The following MEIOSIN variants were observed in gnomAD, a reference collection of about 807,000 sequenced individuals.
MEIOSIN encodes meiosis initiator.
A neutral mutation model predicts 23.4 loss-of-function variants in MEIOSIN; 18 were observed. The observed-to-expected ratio is 0.77, with a 90% CI of 0.53 to 1.14. MEIOSIN has a LOEUF of 1.14. MEIOSIN is among the 50% of genes most tolerant of loss of function. The pLI, the probability that MEIOSIN is intolerant of heterozygous loss-of-function variation, is 0.00. For synonymous variants in MEIOSIN, 187 were observed against 100.6 expected (o/e 1.86, Z -5.14); for missense variants, 428 against 242.9 (o/e 1.76, Z -5.07).
intron 3 of MEIOSIN, among the ~76,000 whole-genome samples, chr19:45,741,791 A>G (rs988341027): frequency 1.9e-4 from 29 of 152,168 alleles, no homozygotes; most frequent in Non-Finnish European, 3.7e-4. Flanking sequence ...AAGAAATAAG[A>G]TTTCACAGCC....
chr19:45,756,167 C>T lies in MEIOSIN; in HGVS notation c.911+89C>T, dbSNP rs926545090. The T allele has an allele frequency of 9.1e-6, 6 of 662,678 alleles. 1 individual carries two copies. The highest frequency in any genetic ancestry group is 6.4e-5 in the South Asian group (4 of 62,084). The allele number at this position is 662,678 out of a possible 1,614,324, so 41.0% of individuals were successfully genotyped here. The stretch of plus-strand genomic sequence containing the variant: ...GGTAGTGGGAAGACAGGCCAAGTCA[C>T]GTCCTCTGCGGGTGCCCCTTGAGCA... On this transcript the variant is annotated intron_variant, in intron 8 of 14. Transcript: ENST00000457052.
At chr19:45,758,001 C>T (rs1386800624) in intron 9 of MEIOSIN, among the ~76,000 whole-genome samples, 2 of 116,318 alleles carry the variant, frequency 1.7e-5, no homozygotes, top group African/African-American at 6.1e-5. Flanking sequence ...CCTCAGAATC[C>T]ATTTTTTTTT....
At chr19:45,741,828 CA>C (rs997504743) in intron 3 of MEIOSIN, among the ~76,000 whole-genome samples, 49 of 150,480 alleles carry the variant, frequency 3.3e-4, no homozygotes, top group African/African-American at 7.8e-4. Context: ...ACCGCGTCTC[CA>C]AAAAAAAATT....
In MEIOSIN at chr19:45,734,350, C is replaced by T. The variant is rs935264274; in HGVS notation, c.-1+684C>T. Among the ~76,000 whole-genome samples, 11 of 151,954 alleles carry T rather than the reference C, an allele frequency of 7.2e-5. No individual in the cohort carries two copies. In the East Asian group the frequency reaches 2.1e-3, roughly 29 times the overall value. On this transcript the variant is annotated intron_variant, in intron 1 of 14. Transcript: ENST00000457052. ...AGAAGTGAGATTTGTTTCATAGGGGCCTGGATTTCTTATCTTAGGATATAG... is the reference window on the plus strand; with the variant it reads ...AGAAGTGAGATTTGTTTCATAGGGGTCTGGATTTCTTATCTTAGGATATAG...
At chr19:45,755,096 G>A (rs1321825356) in intron 7 of MEIOSIN, among the ~76,000 whole-genome samples, 4 of 152,086 alleles carry the variant, frequency 2.6e-5, no homozygotes, top group South Asian at 2.1e-4. Flanking sequence ...GTCGGAGCTC[G>A]AGGCTTTGAG....
At chr19:45,759,695 G>A (rs1230850360) in intron 11 of MEIOSIN, among the ~76,000 whole-genome samples, 1 of 152,150 alleles carries the variant, frequency 6.6e-6, no homozygotes, top group Non-Finnish European at 1.5e-5. Context: ...CCGGCTCTGT[G>A]CTGGGCACGT....
At chr19:45,739,806 C>A in intron 3 of MEIOSIN, 76 bp downstream of exon 3, 1 of 696,814 alleles carries the variant, frequency 1.4e-6, no homozygotes, top group South Asian at 1.5e-5. Context: ...CCTCTTACCC[C>A]TAAAATCATT....
chr19:45,756,084 G>A lies in MEIOSIN; in HGVS notation c.911+6G>A. On this transcript the variant is annotated splice_donor_region_variant and intron_variant, in intron 8 of 14. Coordinates refer to ENST00000457052, the MANE Select transcript of MEIOSIN (RefSeq NM_001310124.2). ...AAGACCCAGCCCCATCCCAGGTAAG[G>A]GCGTCCCCAGGGCACTGAGTGAGTG... 1 of 702,696 alleles carries A rather than the reference G, an allele frequency of 1.4e-6. No individual in the cohort carries two copies. Among genetic ancestry groups the A allele is most frequent in the East Asian group, 2.7e-5 (1 of 37,288 alleles). The allele number at this position is 702,696 out of a possible 1,614,324, so 43.5% of individuals were successfully genotyped here. A position where few individuals can be genotyped will look rare whatever the true frequency, so the allele number is the denominator to read the frequency against.
chr19:45,759,554 T>G, intron 11 of MEIOSIN, 64 bp downstream of exon 11: 2 of 696,208 alleles, frequency 2.9e-6, no homozygotes, highest in Admixed American at 4.0e-5. Context: ...ACGTCACTCA[T>G]GGCTTCATTC....
chr19:45,753,316 G>A (rs751842210), intron 5 of MEIOSIN, among the ~76,000 whole-genome samples: 18 of 152,152 alleles, frequency 1.2e-4, no homozygotes, highest in Non-Finnish European at 2.1e-4. Flanking sequence ...GGGTCGGCTA[G>A]GAGACCCTCA....
At position 45,735,072 on chromosome 19, in the gene MEIOSIN, T is replaced by G. The variant is rs570817039; in HGVS notation, c.1-305T>G. 1.4e-4 allele frequency among the ~76,000 whole-genome samples: 22 copies of G among 151,820 alleles called. No individual in the cohort carries two copies. The South Asian group carries it at 4.6e-3, about 32-fold the overall frequency. The stretch of plus-strand genomic sequence containing the variant: ...CCACGCCCGGCTAATTTTTGTATTT[T>G]TAGTAGAGATGGGGTTTCACCATGT... On this transcript the variant is annotated intron_variant, in intron 1 of 14. Coordinates refer to ENST00000457052, the MANE Select transcript of MEIOSIN (RefSeq NM_001310124.2).
chr19:45,746,884 A>G (rs545337285), intron 4 of MEIOSIN, among the ~76,000 whole-genome samples: 4 of 152,188 alleles, frequency 2.6e-5, no homozygotes, highest in East Asian at 3.9e-4. Flanking sequence ...TCTTTCTGCC[A>G]TACAAGGCAA....
chr19:45,757,899 C>G (rs1285224956), intron 9 of MEIOSIN, among the ~76,000 whole-genome samples: 1 of 152,116 alleles, frequency 6.6e-6, no homozygotes, highest in Non-Finnish European at 1.5e-5. Flanking sequence ...GCAATCACAG[C>G]TCACTGAGGC....
chr19:45,735,051 G>A (rs1188514785), intron 1 of MEIOSIN, among the ~76,000 whole-genome samples: 4 of 151,328 alleles, frequency 2.6e-5, no homozygotes, highest in Admixed American at 6.6e-5. Context: ...GCACCACCAC[G>A]CCCGGCTAAT....
intron 4 of MEIOSIN, among the ~76,000 whole-genome samples, chr19:45,746,736 G>T (rs958113171): frequency 1.3e-5 from 2 of 151,638 alleles, no homozygotes; most frequent in Non-Finnish European, 2.9e-5. Context: ...CGGGAGATTT[G>T]CTTGAACCTG....
At chr19:45,748,457 C>T (rs1211701254) in intron 4 of MEIOSIN, among the ~76,000 whole-genome samples, 1 of 152,144 alleles carries the variant, frequency 6.6e-6, no homozygotes. Context: ...TTCTGTCACT[C>T]AAGGTTCAAT....
rs1180041354 is a variant in MEIOSIN at position 45,761,878 on chromosome 19, C to CG, written c.1434+13dup. On this transcript the variant is annotated intron_variant, in intron 12 of 14. Transcript: ENST00000457052. The stretch of plus-strand genomic sequence containing the variant: ...TGGAAGCAGCGAGAGGTGAGAGACA[C>CG]GGCCGCATGCCAGGGCCAGCAGGGC... 1.0e-4 allele frequency: 64 copies of CG among 638,640 alleles called. No homozygotes were observed. The highest frequency in any genetic ancestry group is 1.7e-4 in the Non-Finnish European group (58 of 350,032). The allele number at this position is 638,640 out of a possible 1,614,324, so 39.6% of individuals were successfully genotyped here.
chr19:45,738,812 G>A (rs1406721201), intron 2 of MEIOSIN, among the ~76,000 whole-genome samples: 1 of 152,154 alleles, frequency 6.6e-6, no homozygotes, highest in Non-Finnish European at 1.5e-5. Flanking sequence ...CTCAGAAGAA[G>A]CACCATGAAG....
Position 45,758,870 on chromosome 19 carries a change from C to T in MEIOSIN, c.1013-8C>T, listed in dbSNP as rs1226343245. 5 of 702,934 alleles carry T rather than the reference C, an allele frequency of 7.1e-6. No individual in the cohort carries two copies. Among genetic ancestry groups the T allele is most frequent in the Non-Finnish European group, 1.3e-5 (5 of 384,984 alleles). 43.5% of individuals were successfully genotyped at this position (702,934 alleles called of 1,614,324 possible). A position where few individuals can be genotyped will look rare whatever the true frequency, so the allele number is the denominator to read the frequency against. ...GCCACACCCCTGAGTCTGCTGTTCC[C>T]TTTCCAGGGAGCCCACTGTTCCTGG... On this transcript the variant is annotated splice_region_variant and splice_polypyrimidine_tract_variant and intron_variant, in intron 9 of 14. Coordinates refer to ENST00000457052, the MANE Select transcript of MEIOSIN (RefSeq NM_001310124.2).
Sources: gnomAD v4.1 joint callset for allele counts (sites outside exome capture counted in the v4.1 genomes callset) on GRCh38, gnomAD v4.1.1 for gene constraint, MANE v1.5 for transcripts, NCBI Gene and HGNC (gene_info 2026-07-23, HGNC 2026-07-21) for gene names.